The following PRKG1 variants were observed in gnomAD, a reference collection of about 807,000 sequenced individuals.
PRKG1 encodes the protein protein kinase cGMP-dependent 1, also known as cGMP-dependent protein kinase 1.
Under a neutral mutation model 88.1 loss-of-function variants are expected in PRKG1, and 35 were observed. That is an observed-to-expected ratio of 0.40 (90% CI 0.30 to 0.53). The LOEUF (loss-of-function observed/expected upper bound fraction) is 0.53, where lower values mean the gene tolerates loss of function less well. PRKG1 is among the 20% of genes least tolerant of loss of function. PRKG1 has a pLI of 0.59. For synonymous variants in PRKG1, 303 were observed against 292.5 expected (o/e 1.04, Z -0.37); for missense variants, 540 against 839.8 (o/e 0.64, Z 4.41).
At chr10:52,161,801 C>G in intron 8 of PRKG1, 88 bp from the exon 9 acceptor site, 1 of 1,105,490 alleles carries the variant, frequency 9.0e-7, no homozygotes, top group Non-Finnish European at 1.4e-6. Context: ...CTTTAGATGT[C>G]TTTAGATTGT....
intron 2 of PRKG1, among the ~76,000 whole-genome samples, chr10:51,447,377 A>G (rs1201856930): frequency 6.6e-6 from 1 of 152,048 alleles, no homozygotes; most frequent in African/African-American, 2.4e-5. Flanking sequence ...CTGCACATGA[A>G]CAATCCCATG....
intron 2 of PRKG1, among the ~76,000 whole-genome samples, chr10:51,236,742 G>A (rs1390808124): frequency 6.6e-6 from 1 of 152,038 alleles, no homozygotes; most frequent in Non-Finnish European, 1.5e-5. Flanking sequence ...CTGACCTCAT[G>A]ATCCACCCAC....
intron 9 of PRKG1, among the ~76,000 whole-genome samples, chr10:52,222,884 G>A (rs1449009198): frequency 6.6e-6 from 1 of 151,986 alleles, no homozygotes; most frequent in South Asian, 2.1e-4. Flanking sequence ...ATCATCCCAG[G>A]TGTATAAAAA....
chr10:51,523,912 G>A (rs10997916), intron 3 of PRKG1, among the ~76,000 whole-genome samples: 43,963 of 151,990 alleles, frequency 0.29, 7,030 homozygotes, highest in Admixed American at 0.37. Flanking sequence ...CCCAAATTTC[G>A]TAACCAAGTA....
At chr10:51,953,974 G>A (rs914989061) in intron 5 of PRKG1, among the ~76,000 whole-genome samples, 9 of 152,022 alleles carry the variant, frequency 5.9e-5, no homozygotes, top group Non-Finnish European at 1.0e-4. Context: ...ATCCATTTTA[G>A]GATTGGAATG....
intron 1 of PRKG1, among the ~76,000 whole-genome samples, chr10:51,009,556 A>T (rs1239496477): frequency 6.6e-6 from 1 of 152,196 alleles, no homozygotes; most frequent in Non-Finnish European, 1.5e-5. Flanking sequence ...TTCTCTTAAG[A>T]ATATAAGAAA....
intron 2 of PRKG1, among the ~76,000 whole-genome samples, chr10:51,194,147 A>C (rs914602394): frequency 6.6e-5 from 10 of 152,168 alleles, no homozygotes; most frequent in African/African-American, 2.4e-4. Flanking sequence ...TATGTTTAAA[A>C]AACCACATCT....
At chr10:52,287,756 C>T (rs908709020) in intron 14 of PRKG1, among the ~76,000 whole-genome samples, 2 of 150,106 alleles carry the variant, frequency 1.3e-5, no homozygotes, top group African/African-American at 4.9e-5. Context: ...TGGGGTATTA[C>T]ATCCTTGCTA....
At chr10:51,240,253 G>A (rs1184144572) in intron 2 of PRKG1, among the ~76,000 whole-genome samples, 1 of 152,108 alleles carries the variant, frequency 6.6e-6, no homozygotes, top group Non-Finnish European at 1.5e-5. Flanking sequence ...TTTCTCAGTT[G>A]TCTGCTCTGA....
At chr10:51,646,680 T>G (rs545496695) in intron 3 of PRKG1, among the ~76,000 whole-genome samples, 1 of 152,168 alleles carries the variant, frequency 6.6e-6, no homozygotes, top group African/African-American at 2.4e-5. Flanking sequence ...TATATTATAC[T>G]TTCTCTTGTT....
chr10:52,214,466 A>G (rs2132810325), intron 9 of PRKG1, among the ~76,000 whole-genome samples: 1 of 152,292 alleles, frequency 6.6e-6, no homozygotes, highest in Non-Finnish European at 1.5e-5. Flanking sequence ...TTCCTTACCT[A>G]TAAGATGGAG....
chr10:52,155,894 T>C (rs1838081821), intron 8 of PRKG1, among the ~76,000 whole-genome samples: 1 of 152,098 alleles, frequency 6.6e-6, no homozygotes, highest in African/African-American at 2.4e-5. Flanking sequence ...ACTAAGTCAC[T>C]TTTTTATTTC....
chr10:51,147,081 G>C (rs1202715922), intron 1 of PRKG1, among the ~76,000 whole-genome samples: 1 of 152,104 alleles, frequency 6.6e-6, no homozygotes, highest in Non-Finnish European at 1.5e-5. Flanking sequence ...CTAATATGTA[G>C]ATTGAATGCA....
chr10:52,002,293 C>G (rs1844619274), intron 5 of PRKG1, among the ~76,000 whole-genome samples: 2 of 151,994 alleles, frequency 1.3e-5, no homozygotes, highest in African/African-American at 4.8e-5. Flanking sequence ...ACAAATTAAG[C>G]CTGTCTGCTT....
intron 3 of PRKG1, among the ~76,000 whole-genome samples, chr10:51,712,801 G>A (rs1465874676): frequency 1.3e-5 from 2 of 151,774 alleles, no homozygotes; most frequent in African/African-American, 4.8e-5. Context: ...ATGTTAGCCA[G>A]GATGGTCTCG....
chr10:51,128,060 G>A (rs554225924), intron 1 of PRKG1, among the ~76,000 whole-genome samples: 59 of 152,240 alleles, frequency 3.9e-4, no homozygotes, highest in African/African-American at 1.4e-3. Context: ...AACCACCATG[G>A]CACATGTATA....
intron 2 of PRKG1, among the ~76,000 whole-genome samples, chr10:51,305,806 G>T (rs1197303181): frequency 2.0e-5 from 3 of 152,154 alleles, no homozygotes; most frequent in African/African-American, 7.2e-5. Context: ...TCTTCCTAGA[G>T]AATTTGACTT....
chr10:51,907,622 C>T, intron 5 of PRKG1, 52 bp downstream of exon 5: 2 of 1,510,898 alleles, frequency 1.3e-6, no homozygotes, highest in Non-Finnish European at 1.8e-6. Flanking sequence ...GCCTGCTTGG[C>T]TGGCTTCTTT....
At chr10:51,744,442 G>A (rs1293261482) in intron 3 of PRKG1, among the ~76,000 whole-genome samples, 1 of 152,134 alleles carries the variant, frequency 6.6e-6, no homozygotes, top group Non-Finnish European at 1.5e-5. Context: ...GCTGAAGAGA[G>A]GAACCACAGC....
Sources: gnomAD v4.1 joint callset for allele counts (sites outside exome capture counted in the v4.1 genomes callset) on GRCh38, gnomAD v4.1.1 for gene constraint, MANE v1.5 for transcripts, NCBI Gene and HGNC (gene_info 2026-07-23, HGNC 2026-07-21) for gene names.